SAXO1: variants seen among roughly 807,000 people sequenced by gnomAD.
SAXO1 encodes the protein stabilizer of axonemal microtubules 1.
SAXO1 carries 21 observed loss-of-function variants against 17.5 expected under a neutral mutation model. The observed-to-expected ratio is 1.20, with a 90% CI of 0.85 to 1.72. SAXO1 has a LOEUF of 1.72. Ranked by LOEUF, SAXO1 falls within the 40% of genes most tolerant of loss-of-function variation. The probability of loss-of-function intolerance (pLI) is 0.00; values close to 1 mark genes in which losing one functional copy is unlikely to be tolerated. For synonymous variants in SAXO1, 274 were observed against 216.5 expected, an observed-to-expected ratio of 1.27 and a Z score of -2.33; for missense variants, 843 against 596.0, an observed-to-expected ratio of 1.41 and a Z score of -4.32.
chr9:18,950,978 G>GA (rs776792464), intron 1 of SAXO1, 41 bp from the exon 2 acceptor site: 4 of 1,568,786 alleles, frequency 2.5e-6, no homozygotes, highest in Admixed American at 1.8e-5. Flanking sequence ...CTTCTTGGGA[G>GA]AAAAAAACCC....
chr9:18,952,585 C>A (rs954242000), intron 1 of SAXO1, among the ~76,000 whole-genome samples: 10 of 152,124 alleles, frequency 6.6e-5, no homozygotes, highest in African/African-American at 1.9e-4. Context: ...TTAGAGATAT[C>A]CCTACTTATT....
intron 1 of SAXO1, among the ~76,000 whole-genome samples, chr9:18,993,437 A>T (rs1436747609): frequency 6.6e-6 from 1 of 151,990 alleles, no homozygotes; most frequent in Non-Finnish European, 1.5e-5. Context: ...AAGCTACAGG[A>T]CTCAGCCTCA....
intron 1 of SAXO1, among the ~76,000 whole-genome samples, chr9:19,012,266 C>G (rs1264653892): frequency 6.6e-6 from 1 of 152,196 alleles, no homozygotes; most frequent in Non-Finnish European, 1.5e-5. Context: ...GCCTTTTTCT[C>G]TCATCTATAC....
chr9:19,038,387 G>C (rs1465152071), intron 1 of SAXO1, among the ~76,000 whole-genome samples: 2 of 151,984 alleles, frequency 1.3e-5, no homozygotes, highest in Non-Finnish European at 2.9e-5. Context: ...ACTGGATTAA[G>C]AAAATGTGGC....
intron 3 of SAXO1, among the ~76,000 whole-genome samples, chr9:18,933,762 T>TC (rs1209199051): frequency 6.6e-6 from 1 of 152,204 alleles, no homozygotes; most frequent in Non-Finnish European, 1.5e-5. Flanking sequence ...AATGTCATTT[T>TC]TGGGCCGGGC....
chr9:19,013,292 G>A (rs1834831514), intron 1 of SAXO1, among the ~76,000 whole-genome samples: 1 of 152,168 alleles, frequency 6.6e-6, no homozygotes, highest in Admixed American at 6.5e-5. Context: ...CACCACTGCG[G>A]GGGTAACAAA....
intron 1 of SAXO1, among the ~76,000 whole-genome samples, chr9:19,024,168 G>A (rs1026777616): frequency 1.3e-5 from 2 of 151,452 alleles, no homozygotes; most frequent in Non-Finnish European, 2.9e-5. Flanking sequence ...GCAAGCTTCC[G>A]GCACGATCTC....
intron 1 of SAXO1, among the ~76,000 whole-genome samples, chr9:18,974,722 T>C (rs1833068423): frequency 6.6e-6 from 1 of 152,100 alleles, no homozygotes; most frequent in Admixed American, 6.5e-5. Context: ...CATGTATAAA[T>C]GGGGGAGAAG....
At chr9:18,978,268 T>C (rs905357556) in intron 1 of SAXO1, among the ~76,000 whole-genome samples, 4 of 152,108 alleles carry the variant, frequency 2.6e-5, no homozygotes, top group African/African-American at 7.2e-5. Context: ...AAGCCATGCA[T>C]GTGTGAGAGC....
intron 2 of SAXO1, among the ~76,000 whole-genome samples, chr9:18,943,179 G>A (rs1831645368): frequency 1.3e-5 from 2 of 152,324 alleles, no homozygotes; most frequent in South Asian, 2.1e-4. Context: ...TTAGGAAGCA[G>A]GAGAATTAGT....
chr9:18,944,507 T>C (rs1372115073), intron 2 of SAXO1, among the ~76,000 whole-genome samples: 4 of 152,200 alleles, frequency 2.6e-5, no homozygotes, highest in African/African-American at 9.7e-5. Flanking sequence ...ACACTGGATC[T>C]CCCCTCTCTT....
intron 1 of SAXO1, among the ~76,000 whole-genome samples, chr9:18,988,449 A>G (rs1833679203): frequency 6.6e-6 from 1 of 152,246 alleles, no homozygotes; most frequent in East Asian, 1.9e-4. Flanking sequence ...GTTCCCAATT[A>G]GACATTTAGG....
At chr9:18,967,830 C>T (rs1343626665) in intron 1 of SAXO1, among the ~76,000 whole-genome samples, 5 of 152,114 alleles carry the variant, frequency 3.3e-5, no homozygotes, top group African/African-American at 7.2e-5. Flanking sequence ...GGTGTCTGCC[C>T]AAACAACTGC....
chr9:18,963,516 A>T (rs1832580597), intron 1 of SAXO1, among the ~76,000 whole-genome samples: 1 of 152,122 alleles, frequency 6.6e-6, no homozygotes, highest in African/African-American at 2.4e-5. Flanking sequence ...GGTCCTTCAT[A>T]TCCTTTGTAA....
intron 1 of SAXO1, among the ~76,000 whole-genome samples, chr9:18,980,564 G>GGAGGAAGAA (rs1563959616): frequency 1.9e-5 from 2 of 107,296 alleles, no homozygotes; most frequent in Non-Finnish European, 3.6e-5. Context: ...AGGAAGAAGA[G>GGAGGAAGAA]GAGGAGGAGG....
At position 18,949,261 on chromosome 9, in the gene SAXO1, T is replaced by A. The variant is rs186179966; in HGVS notation, c.218+1497A>T. On this transcript the variant is annotated intron_variant, in intron 2 of 3. Transcript: ENST00000380534. ...CATGCTTAGAATAAATATAATCATCTGGCCTTAGCAATATAGCAAAACCTT... is the reference window on the plus strand; with the variant it reads ...CATGCTTAGAATAAATATAATCATCAGGCCTTAGCAATATAGCAAAACCTT... Among the ~76,000 whole-genome samples the A allele has an allele frequency of 1.1e-3, 174 of 152,284 alleles. 1 individual carries two copies. Among genetic ancestry groups the A allele is most frequent in the African/African-American group, 3.9e-3 (160 of 41,554 alleles).
rs557677733 is a variant in SAXO1 at position 18,987,623 on chromosome 9, G to C, written c.39-36686C>G. Among the ~76,000 whole-genome samples, 35 of 152,268 alleles carry C rather than the reference G, an allele frequency of 2.3e-4. No homozygotes were observed. In the East Asian group the frequency reaches 6.4e-3, roughly 28 times the overall value. ...AACTCGATTCTCTTCCTTGGGCCTGGTATGGTAGCCCATGCCTGTAATCCC... is the reference window on the plus strand; with the variant it reads ...AACTCGATTCTCTTCCTTGGGCCTGCTATGGTAGCCCATGCCTGTAATCCC... On this transcript the variant is annotated intron_variant, in intron 1 of 3. Coordinates refer to ENST00000380534, the MANE Select transcript of SAXO1 (RefSeq NM_153707.4).
intron 1 of SAXO1, among the ~76,000 whole-genome samples, chr9:18,991,438 C>T (rs1171394936): frequency 1.3e-5 from 2 of 152,052 alleles, no homozygotes; most frequent in African/African-American, 2.4e-5. Context: ...AAGCTGGAAA[C>T]CATCATTCTG....
At chr9:19,022,398 G>C (rs1022108729) in intron 1 of SAXO1, among the ~76,000 whole-genome samples, 3 of 152,216 alleles carry the variant, frequency 2.0e-5, no homozygotes, top group African/African-American at 7.2e-5. Flanking sequence ...ACCAATTCCA[G>C]ACACAATAGC....
Sources: gnomAD v4.1 joint callset for allele counts (sites outside exome capture counted in the v4.1 genomes callset) on GRCh38, gnomAD v4.1.1 for gene constraint, MANE v1.5 for transcripts, NCBI Gene and HGNC (gene_info 2026-07-23, HGNC 2026-07-21) for gene names.